Variants in CAMK2D observed in about 807,000 individuals in gnomAD.
CAMK2D encodes the protein calcium/calmodulin-dependent protein kinase type II subunit delta.
In CAMK2D, 37 loss-of-function variants were observed where a neutral mutation model predicts 84.0. The ratio of observed to expected loss-of-function variants is 0.44; its 90% CI spans 0.34 to 0.58. The LOEUF (loss-of-function observed/expected upper bound fraction) is 0.58. Ranked by LOEUF, CAMK2D falls within the 20% of genes least tolerant of loss-of-function variation. The probability of loss-of-function intolerance (pLI) is 0.02; values close to 1 mark genes in which losing one functional copy is unlikely to be tolerated. For synonymous variants in CAMK2D, 202 were observed against 212.5 expected, an observed-to-expected ratio of 0.95 and a Z score of 0.43; for missense variants, 448 against 652.5, an observed-to-expected ratio of 0.69 and a Z score of 3.41.
chr4:113,487,850 TATC>T (rs1481613171), intron 16 of CAMK2D, among the ~76,000 whole-genome samples: 5 of 151,990 alleles, frequency 3.3e-5, no homozygotes, highest in African/African-American at 1.2e-4. Context: ...TATTAGAATG[TATC>T]ATTTTATATA....
At chr4:113,554,702 TCA>T (rs1477068912) in intron 4 of CAMK2D, among the ~76,000 whole-genome samples, 2 of 152,220 alleles carry the variant, frequency 1.3e-5, no homozygotes, top group African/African-American at 4.8e-5. Flanking sequence ...ATTTTTATAC[TCA>T]CATTATTTTT....
chr4:113,531,842 G>C (rs1454534381), intron 7 of CAMK2D, among the ~76,000 whole-genome samples: 2 of 151,866 alleles, frequency 1.3e-5, no homozygotes, highest in African/African-American at 4.8e-5. Context: ...AACTAGATGG[G>C]GAAAGAAAAC....
At chr4:113,742,570 A>T (rs1562172157) in intron 2 of CAMK2D, among the ~76,000 whole-genome samples, 1 of 147,108 alleles carries the variant, frequency 6.8e-6, no homozygotes. Flanking sequence ...TCTTGAGTTC[A>T]TTTTTTTTTT....
chr4:113,610,880 C>T (rs1373363549), intron 3 of CAMK2D, among the ~76,000 whole-genome samples: 1 of 152,100 alleles, frequency 6.6e-6, no homozygotes, highest in Non-Finnish European at 1.5e-5. Flanking sequence ...AGTCTCGTCA[C>T]CAATACTGCC....
At chr4:113,619,023 G>C (rs767613551) in intron 3 of CAMK2D, among the ~76,000 whole-genome samples, 2 of 152,106 alleles carry the variant, frequency 1.3e-5, no homozygotes, top group African/African-American at 2.4e-5. Flanking sequence ...GCATTTGCTT[G>C]TTTCACTTAT....
intron 16 of CAMK2D, among the ~76,000 whole-genome samples, chr4:113,477,513 A>G (rs533839183): frequency 1.8e-4 from 28 of 152,194 alleles, no homozygotes; most frequent in South Asian, 4.2e-4. Flanking sequence ...TGGGAGGCTG[A>G]GGTGAATGGA....
intron 2 of CAMK2D, among the ~76,000 whole-genome samples, chr4:113,734,002 T>G (rs1467577097): frequency 1.3e-5 from 2 of 152,162 alleles, no homozygotes; most frequent in East Asian, 3.8e-4. Context: ...AAGGAAAACA[T>G]TATTTCCATG....
intron 16 of CAMK2D, among the ~76,000 whole-genome samples, chr4:113,480,198 G>A (rs1209320864): frequency 6.6e-6 from 1 of 152,014 alleles, no homozygotes; most frequent in Non-Finnish European, 1.5e-5. Flanking sequence ...CCTGAGTTCA[G>A]GTAATCCGCC....
chr4:113,562,685 C>A (rs935356630), intron 4 of CAMK2D, among the ~76,000 whole-genome samples: 8 of 152,166 alleles, frequency 5.3e-5, no homozygotes, highest in Admixed American at 2.0e-4. Context: ...TTCAGTAAGA[C>A]AAATGTGCTT....
At chr4:113,502,385 A>AAAC (rs139759722) in intron 15 of CAMK2D, among the ~76,000 whole-genome samples, 3,709 of 150,472 alleles carry the variant, frequency 0.025, 91 homozygotes, top group Non-Finnish European at 0.039. Flanking sequence ...AATTCATGCC[A>AAAC]AACAACAACA....
chr4:113,697,735 T>C (rs1025800191), intron 2 of CAMK2D, among the ~76,000 whole-genome samples: 1 of 151,240 alleles, frequency 6.6e-6, no homozygotes, highest in Non-Finnish European at 1.5e-5. Context: ...TTCCAAAGCA[T>C]AGATGATTTT....
rs561626909 is a variant in CAMK2D, at chr4:113,666,363, G to T, written c.161-4591C>A. 5.8e-4 allele frequency among the ~76,000 whole-genome samples: 89 copies of T among 152,226 alleles called. No homozygotes were observed. The Middle Eastern group carries it at 0.01, about 17-fold the overall frequency. The stretch of plus-strand genomic sequence containing the variant: ...TCTTACATGAATGACATATATAAAA[G>T]AATTTCATCTTTCTTGACACCACTG... On this transcript the variant is annotated intron_variant, in intron 2 of 20. Coordinates refer to ENST00000511664, the MANE Select transcript of CAMK2D (RefSeq NM_001321571.2).
intron 9 of CAMK2D, among the ~76,000 whole-genome samples, chr4:113,515,721 G>C (rs977876049): frequency 6.6e-6 from 1 of 152,088 alleles, no homozygotes; most frequent in African/African-American, 2.4e-5. Flanking sequence ...TATTAATCAG[G>C]GCTACTTGGA....
intron 2 of CAMK2D, among the ~76,000 whole-genome samples, chr4:113,715,529 T>C (rs1204472293): frequency 1.3e-5 from 2 of 152,152 alleles, no homozygotes; most frequent in Non-Finnish European, 2.9e-5. Context: ...CTAGAAAGTA[T>C]ACATTAATAT....
chr4:113,617,110 C>A (rs1185599957), intron 3 of CAMK2D, among the ~76,000 whole-genome samples: 1 of 151,972 alleles, frequency 6.6e-6, no homozygotes, highest in Middle Eastern at 3.2e-3. Flanking sequence ...TTTTGTTATT[C>A]TATCTTCCAC....
intron 4 of CAMK2D, among the ~76,000 whole-genome samples, chr4:113,594,240 T>G (rs1016380753): frequency 6.6e-6 from 1 of 152,136 alleles, no homozygotes; most frequent in Non-Finnish European, 1.5e-5. Flanking sequence ...TCGTGAGAAA[T>G]CCAACCCCAT....
At chr4:113,505,158 T>TTAAA (rs2098113389) in intron 13 of CAMK2D, 123 bp from the exon 14 acceptor site, 9 of 489,582 alleles carry the variant, frequency 1.8e-5, no homozygotes, top group Non-Finnish European at 2.5e-5. Flanking sequence ...AAGATGAACG[T>TTAAA]GAAAGACATG....
intron 2 of CAMK2D, among the ~76,000 whole-genome samples, chr4:113,704,360 A>G (rs1177796174): frequency 6.6e-6 from 1 of 152,098 alleles, no homozygotes; most frequent in African/African-American, 2.4e-5. Flanking sequence ...ATATTTTACT[A>G]AAAAAATTGA....
intron 3 of CAMK2D, among the ~76,000 whole-genome samples, chr4:113,657,295 C>T (rs2099205807): frequency 1.3e-5 from 2 of 152,200 alleles, no homozygotes; most frequent in Middle Eastern, 3.4e-3. Context: ...AGAACAAATC[C>T]TTACGACATT....
Sources: allele counts gnomAD v4.1 joint callset (sites outside exome capture counted in the v4.1 genomes callset), GRCh38; gene constraint gnomAD v4.1.1; transcripts MANE v1.5; gene names NCBI Gene and HGNC (gene_info 2026-07-23, HGNC 2026-07-21).